PCDHGB4: variants seen among roughly 807,000 people sequenced by gnomAD.
PCDHGB4 encodes the protein protocadherin gamma subfamily B, 4.
Under a neutral mutation model 60.5 loss-of-function variants are expected in PCDHGB4, and 38 were observed. The ratio of observed to expected loss-of-function variants is 0.63; its 90% CI spans 0.48 to 0.82. PCDHGB4 has a LOEUF of 0.82. Ranked by LOEUF, PCDHGB4 falls within the 40% of genes least tolerant of loss-of-function variation. The pLI, the probability that PCDHGB4 is intolerant of heterozygous loss-of-function variation, is 0.00. For synonymous variants in PCDHGB4, 456 were observed against 509.7 expected (o/e 0.89, Z 1.42); for missense variants, 1,109 against 1,209.6 (o/e 0.92, Z 1.23).
rs568472427 is a variant in PCDHGB4, at chr5:141,460,924, A to G, written c.2398-33883A>G. 3.3e-4 allele frequency among the ~76,000 whole-genome samples: 50 copies of G among 150,592 alleles called. No homozygotes were observed. The East Asian group carries it at 6.6e-3, about 20-fold the overall frequency. Reference sequence around the variant, plus strand: ...AATATTCCATGGTGTATATATATATATGTGTGTGTGTATATATATGTATTA... The same window carrying G: ...AATATTCCATGGTGTATATATATATGTGTGTGTGTGTATATATATGTATTA... On this transcript the variant is annotated intron_variant, in intron 1 of 3. Coordinates refer to ENST00000519479, the MANE Select transcript of PCDHGB4 (RefSeq NM_003736.4).
chr5:141,454,796 ATTTTTTTTTTTTTTTTTT>A (rs61612330), intron 1 of PCDHGB4, among the ~76,000 whole-genome samples: 1 of 77,408 alleles, frequency 1.3e-5, no homozygotes, highest in Non-Finnish European at 2.3e-5. Flanking sequence ...CATGGTTCTA[ATTTTTTTTTTTTTTTTTT>A]TTTTTTTTTT....
intron 1 of PCDHGB4, chr5:141,415,862 A>G: frequency 1.8e-6 from 2 of 1,107,350 alleles, no homozygotes; most frequent in Non-Finnish European, 1.2e-6. Flanking sequence ...TGTAGTTTAT[A>G]GTGTTGTTGA....
intron 1 of PCDHGB4, chr5:141,440,587 A>G (rs566819394): frequency 1.3e-5 from 2 of 152,392 alleles, no homozygotes; most frequent in East Asian, 3.9e-4. Flanking sequence ...CCCAGCTGGA[A>G]CAAGATTTGC....
rs770468191 is a variant in PCDHGB4, at chr5:141,478,296, A to G, written c.2398-16511A>G. On this transcript the variant is annotated intron_variant, in intron 1 of 3. Coordinates refer to ENST00000519479, the MANE Select transcript of PCDHGB4 (RefSeq NM_003736.4). ...AAGTGGAAGCAGTCTAGAGACCTAT[A>G]CCGAGCCCCGGTGAGCTCACTGTAC... is the stretch of plus-strand genomic sequence containing the variant. The G allele has an allele frequency of 9.3e-6, 15 of 1,613,962 alleles. No individual in the cohort carries two copies. Among genetic ancestry groups the G allele is most frequent in the African/African-American group, 6.7e-5 (5 of 74,930 alleles).
At position 141,511,420 on chromosome 5, in the gene PCDHGB4, G is replaced by A; in HGVS notation, c.*247G>A. On this transcript the variant is annotated 3_prime_UTR_variant, in exon 4 of 4. Coordinates refer to ENST00000519479, the MANE Select transcript of PCDHGB4 (RefSeq NM_003736.4). ...TCCAATCAACTGCTGTACCCATGGG[G>A]GTAGTGGGGTTACTGTAGACACCAA... 2.4e-6 allele frequency: 2 copies of A among 830,862 alleles called. No individual in the cohort carries two copies. Among genetic ancestry groups the A allele is most frequent in the Non-Finnish European group, 1.8e-6 (1 of 557,336 alleles). The allele number at this position is 830,862 out of a possible 1,614,324, so 51.5% of individuals were successfully genotyped here.
intron 1 of PCDHGB4, chr5:141,414,875 T>G: frequency 6.2e-7 from 1 of 1,614,196 alleles, no homozygotes; most frequent in Non-Finnish European, 8.5e-7. Context: ...CCCGAGATCC[T>G]GTACCCCGCC....
intron 1 of PCDHGB4, chr5:141,400,710 C>A (rs1480952915): frequency 2.9e-6 from 2 of 693,672 alleles, no homozygotes; most frequent in Non-Finnish European, 4.8e-6. Context: ...AAAGAAGTAG[C>A]CTTATAGATT....
chr5:141,418,681 C>T (rs778899235), intron 1 of PCDHGB4: 2 of 1,614,052 alleles, frequency 1.2e-6, no homozygotes, highest in Non-Finnish European at 1.7e-6. Flanking sequence ...AGGGCATCAA[C>T]TCAGAGATCA....
chr5:141,449,569 A>G (rs1340921687), intron 1 of PCDHGB4, among the ~76,000 whole-genome samples: 2 of 148,390 alleles, frequency 1.3e-5, no homozygotes, highest in East Asian at 3.9e-4. Flanking sequence ...AGCCTGGGCG[A>G]CAGAGCAAGA....
intron 1 of PCDHGB4, chr5:141,399,174 T>A: frequency 6.2e-7 from 1 of 1,613,818 alleles, no homozygotes; most frequent in Non-Finnish European, 8.5e-7. Flanking sequence ...ATTCTCTACT[T>A]GAAATGATTC....
intron 2 of PCDHGB4, among the ~76,000 whole-genome samples, chr5:141,499,937 C>T (rs1257575594): frequency 6.6e-6 from 1 of 152,082 alleles, no homozygotes; most frequent in Non-Finnish European, 1.5e-5. Context: ...ATCCACCCTC[C>T]TCGGCCTCCC....
rs369529373 is a variant in PCDHGB4 at position 141,458,890 on chromosome 5, C to T, written c.2398-35917C>T. Among the ~76,000 whole-genome samples, 87 of 152,160 alleles carry T rather than the reference C, an allele frequency of 5.7e-4. 1 individual carries two copies. In the South Asian group the frequency reaches 0.016, roughly 28 times the overall value. ...TGGGACTACAGGCATGCACACCATG[C>T]GCAGCTAATTTTTTCTATTTTTTGT... On this transcript the variant is annotated intron_variant, in intron 1 of 3. Coordinates refer to ENST00000519479, the MANE Select transcript of PCDHGB4 (RefSeq NM_003736.4).
rs2092149511 is a variant in PCDHGB4 at position 141,390,449 on chromosome 5, G to A, written c.2397+168G>A. The A allele has an allele frequency of 4.8e-6, 4 of 829,790 alleles. No individual in the cohort carries two copies. In the Admixed American group the frequency reaches 8.7e-5, roughly 18 times the overall value. 51.4% of individuals were successfully genotyped at this position (829,790 alleles called of 1,614,324 possible). ...TGTCATATCATTCTACAAAGGAGGAGTAAAGTAGGAGCAATTGTGTGGCCC... is the reference window on the plus strand; with the variant it reads ...TGTCATATCATTCTACAAAGGAGGAATAAAGTAGGAGCAATTGTGTGGCCC... On this transcript the variant is annotated intron_variant, in intron 1 of 3. Coordinates refer to ENST00000519479, the MANE Select transcript of PCDHGB4 (RefSeq NM_003736.4).
chr5:141,480,453 A>G (rs1033797238), intron 1 of PCDHGB4, among the ~76,000 whole-genome samples: 1 of 152,182 alleles, frequency 6.6e-6, no homozygotes, highest in African/African-American at 2.4e-5. Context: ...AATTATTTTT[A>G]TTAGTTCCTC....
intron 1 of PCDHGB4, among the ~76,000 whole-genome samples, chr5:141,434,049 A>G (rs868088310): frequency 2.0e-5 from 3 of 152,116 alleles, no homozygotes; most frequent in Non-Finnish European, 2.9e-5. Flanking sequence ...ATTTTATTCA[A>G]TGGCCTGTAA....
chr5:141,404,415 T>C, intron 1 of PCDHGB4: 1 of 1,613,844 alleles, frequency 6.2e-7, no homozygotes, highest in Non-Finnish European at 8.5e-7. Context: ...TCTAGAGTTA[T>C]TTACTCCTTG....
intron 1 of PCDHGB4, chr5:141,427,902 C>G: frequency 6.4e-7 from 1 of 1,573,742 alleles, no homozygotes; most frequent in South Asian, 1.1e-5. Flanking sequence ...CTCGCCCGCG[C>G]TCAGCGCCAA....
intron 2 of PCDHGB4, among the ~76,000 whole-genome samples, chr5:141,501,983 C>G (rs957901405): frequency 6.6e-6 from 1 of 152,068 alleles, no homozygotes; most frequent in Non-Finnish European, 1.5e-5. Flanking sequence ...CATCTGGTCC[C>G]GTTGTCTCCC....
rs1184232947 is a variant in PCDHGB4 at position 141,487,060 on chromosome 5, G to T, written c.2398-7747G>T. ...TCTCTCGATATGCTGGGGAGGTGCG[G>T]ACGGCTGTTCCTATCCCAGCTGACC... On this transcript the variant is annotated intron_variant, in intron 1 of 3. Transcript: ENST00000519479. This position sits in a 1 kb window ranked among gnomAD's most constrained non-coding sequence, Gnocchi z 5.0. The T allele has an allele frequency of 1.9e-6, 3 of 1,614,182 alleles. No individual in the cohort carries two copies. In the East Asian group the frequency reaches 6.7e-5, roughly 36 times the overall value.
Sources: gnomAD v4.1 joint callset for allele counts (sites outside exome capture counted in the v4.1 genomes callset) on GRCh38, gnomAD v4.1.1 for gene constraint, Gnocchi (gnomAD v3.1) non-coding constraint, MANE v1.5 for transcripts, NCBI Gene and HGNC (gene_info 2026-07-23, HGNC 2026-07-21) for gene names.